Variants in KLRK1 observed in about 807,000 individuals in gnomAD.
KLRK1 encodes killer cell lectin like receptor K1, also known as NKG2-D type II integral membrane protein.
KLRK1 carries 40 observed loss-of-function variants against 31.3 expected under a neutral mutation model. The observed-to-expected ratio is 1.28, with a 90% CI of 0.99 to 1.67. The LOEUF (loss-of-function observed/expected upper bound fraction) is 1.67, where lower values mean the gene tolerates loss of function less well. Ranked by LOEUF, KLRK1 falls within the 40% of genes most tolerant of loss-of-function variation. The pLI, the probability that KLRK1 is intolerant of heterozygous loss-of-function variation, is 0.00. For synonymous variants in KLRK1, 77 were observed against 77.3 expected, an observed-to-expected ratio of 1.00 and a Z score of 0.02; for missense variants, 251 against 260.0, an observed-to-expected ratio of 0.97 and a Z score of 0.24.
At chr12:10,383,844 T>G (rs1863119745) in intron 3 of KLRK1, among the ~76,000 whole-genome samples, 1 of 152,036 alleles carries the variant, frequency 6.6e-6, no homozygotes, top group Non-Finnish European at 1.5e-5. Context: ...ACGAGGAACT[T>G]TGGAAACTGC....
In KLRK1 at chr12:10,376,603, T is replaced by C. The variant is rs1183376404; in HGVS notation, c.533+1529A>G. On this transcript the variant is annotated intron_variant, in intron 7 of 7. Coordinates refer to ENST00000240618, the MANE Select transcript of KLRK1 (RefSeq NM_007360.4). The stretch of plus-strand genomic sequence containing the variant: ...CAAATCAACATATCAGCTTTCAATA[T>C]AAGAAACTAAAAAAGCAAATTTAAC... Among the ~76,000 whole-genome samples, 4 of 151,954 alleles carry C rather than the reference T, an allele frequency of 2.6e-5. No individual in the cohort carries two copies. The East Asian group carries it at 7.7e-4, about 29-fold the overall frequency.
chr12:10,388,220 TATGG>T (rs1195684699), intron 2 of KLRK1, among the ~76,000 whole-genome samples: 4 of 152,190 alleles, frequency 2.6e-5, no homozygotes, highest in Non-Finnish European at 5.9e-5. Context: ...GGTATCACTT[TATGG>T]ATGAAGAAAT....
intron 7 of KLRK1, among the ~76,000 whole-genome samples, chr12:10,376,369 G>GAAATCAATAATAAAAATGTCTGAAAAA: frequency 6.6e-6 from 1 of 152,090 alleles, no homozygotes; most frequent in South Asian, 2.1e-4. Flanking sequence ...AATTAAATTA[G>GAAATCAATAATAAAAATGTCTGAAAAA]AAATCAATAA....
chr12:10,375,803 T>G (rs1862954700), intron 7 of KLRK1, among the ~76,000 whole-genome samples: 1 of 151,688 alleles, frequency 6.6e-6, no homozygotes, highest in Admixed American at 6.5e-5. Context: ...CTAGCATTAA[T>G]CTGGAGAATT....
At chr12:10,386,708 G>A (rs1176705792) in intron 3 of KLRK1, among the ~76,000 whole-genome samples, 195 bp downstream of exon 3, 5 of 151,700 alleles carry the variant, frequency 3.3e-5, no homozygotes, top group East Asian at 3.9e-4. Context: ...TTTTTAGGGC[G>A]TGACAATATT....
At chr12:10,389,024 C>T in intron 1 of KLRK1, 149 bp from the exon 2 acceptor site, 1 of 500,380 alleles carries the variant, frequency 2.0e-6, no homozygotes, top group Non-Finnish European at 3.5e-6. Flanking sequence ...TAAAGCCAGG[C>T]AAAATTAATT....
intron 3 of KLRK1, among the ~76,000 whole-genome samples, chr12:10,386,172 A>C (rs1282800781): frequency 6.6e-6 from 1 of 152,030 alleles, no homozygotes; most frequent in Non-Finnish European, 1.5e-5. Context: ...GCTATGAGAA[A>C]TAATGATACA....
chr12:10,373,606 C>T (rs899060942), intron 7 of KLRK1, among the ~76,000 whole-genome samples: 1 of 152,112 alleles, frequency 6.6e-6, no homozygotes, highest in African/African-American at 2.4e-5. Context: ...AAAACATTTT[C>T]TTCAGATATA....
At chr12:10,387,543 G>C (rs1269862263) in intron 2 of KLRK1, among the ~76,000 whole-genome samples, 1 of 150,932 alleles carries the variant, frequency 6.6e-6, no homozygotes, top group Non-Finnish European at 1.5e-5. Context: ...TAAGCTTTTA[G>C]TAAATAGCAG....
chr12:10,377,657 A>G (rs896529476), intron 7 of KLRK1, among the ~76,000 whole-genome samples: 4 of 152,136 alleles, frequency 2.6e-5, no homozygotes, highest in African/African-American at 9.7e-5. Flanking sequence ...GAAATCACAA[A>G]GGTGCATGCT....
Position 10,388,818 on chromosome 12 carries a change from T to C in KLRK1, c.-8A>G, listed in dbSNP as rs774735119. 6.2e-7 allele frequency: 1 copy of C among 1,613,900 alleles called. No individual in the cohort carries two copies. The highest frequency in any genetic ancestry group is 8.5e-7 in the Non-Finnish European group (1 of 1,179,924). The stretch of plus-strand genomic sequence containing the variant: ...ACCACGAATCCACCCCATCAAATAC[T>C]TATAAGTGCACGTCTACCGCAGAGA... On this transcript the variant is annotated 5_prime_UTR_variant, in exon 2 of 8. Coordinates refer to ENST00000240618, the MANE Select transcript of KLRK1 (RefSeq NM_007360.4).
At chr12:10,379,865 T>C (rs947253797) in intron 3 of KLRK1, 73 bp from the exon 4 acceptor site, 3 of 1,346,680 alleles carry the variant, frequency 2.2e-6, no homozygotes, top group Non-Finnish European at 3.0e-6. Flanking sequence ...TTAATATAAA[T>C]ATTAGAGTTT....
intron 3 of KLRK1, chr12:10,381,929 C>T (rs2137813163): frequency 6.6e-6 from 1 of 152,370 alleles, no homozygotes; most frequent in South Asian, 2.1e-4. Flanking sequence ...GACCTGGCCC[C>T]ACCACATTGG....
At chr12:10,389,588 C>A (rs1035558320) in intron 1 of KLRK1, among the ~76,000 whole-genome samples, 2 of 152,040 alleles carry the variant, frequency 1.3e-5, no homozygotes, top group African/African-American at 2.4e-5. Flanking sequence ...AGGTAAGTGC[C>A]CCCTACAGCA....
In KLRK1 at chr12:10,378,655, A is replaced by G; in HGVS notation, c.328T>C (p.Cys110Arg). 8 of 1,610,074 alleles carry G rather than the reference A, an allele frequency of 5.0e-6. No individual in the cohort carries two copies. The highest frequency in any genetic ancestry group is 6.8e-6 in the Non-Finnish European group (8 of 1,179,142). Reference sequence around the variant, plus strand: ...TTACTCTCATCAAAAAATTGGTAGCAGTTATTTTTGTAACATATCCAGTTT... The same window carrying G: ...TTACTCTCATCAAAAAATTGGTAGCGGTTATTTTTGTAACATATCCAGTTT... ...PKNWICYKNNCYQFFDESKNW... is the reference protein window; with the variant it reads ...PKNWICYKNNRYQFFDESKNW... Residue 110 changes from cysteine to arginine, a missense_variant, in exon 6 of 8, where the codon TGC becomes CGC. Physicochemically the swap from Cys to Arg is radical, Grantham distance 180 (BLOSUM62 -3). Transcript: ENST00000240618.
intron 7 of KLRK1, among the ~76,000 whole-genome samples, chr12:10,376,545 T>TAATA (rs550355857): frequency 1.2e-3 from 186 of 152,238 alleles, no homozygotes; most frequent in African/African-American, 3.9e-3. Context: ...TCTCACATAT[T>TAATA]AATAGTATAA....
chr12:10,379,620 G>T, intron 4 of KLRK1, 80 bp downstream of exon 4: 2 of 1,430,728 alleles, frequency 1.4e-6, no homozygotes, highest in African/African-American at 1.4e-5. Flanking sequence ...ATGTGTCTGT[G>T]TTTATGAATA....
chr12:10,374,356 A>G (rs1252144126), intron 7 of KLRK1, among the ~76,000 whole-genome samples: 1 of 146,332 alleles, frequency 6.8e-6, no homozygotes, highest in Non-Finnish European at 1.5e-5. Context: ...GGTTCAGTCT[A>G]CATTAGAGTC....
chr12:10,384,954 G>A (rs1158955225), intron 3 of KLRK1, among the ~76,000 whole-genome samples: 2 of 151,920 alleles, frequency 1.3e-5, no homozygotes, highest in African/African-American at 4.8e-5. Flanking sequence ...ATATTTCTGA[G>A]AAGATATACA....
Sources: allele counts gnomAD v4.1 joint callset (sites outside exome capture counted in the v4.1 genomes callset), GRCh38; gene constraint gnomAD v4.1.1; transcripts MANE v1.5; gene names NCBI Gene and HGNC (gene_info 2026-07-23, HGNC 2026-07-21).